FBXL17: variants seen among roughly 807,000 people sequenced by gnomAD.
FBXL17 encodes the protein F-box/LRR-repeat protein 17.
Under a neutral mutation model 66.2 loss-of-function variants are expected in FBXL17, and 22 were observed. That is an observed-to-expected ratio of 0.33 (90% CI 0.24 to 0.47). The LOEUF is 0.47. Among genes scored for constraint, FBXL17 ranks in the 20% least tolerant of loss-of-function variants. FBXL17 has a pLI of 1.00. For missense variants in FBXL17, 878 were observed against 948.2 expected (o/e 0.93, Z 0.97); for synonymous variants, 474 against 400.5 (o/e 1.18, Z -2.19).
At chr5:108,247,365 T>C (rs1277029714) in intron 4 of FBXL17, among the ~76,000 whole-genome samples, 4 of 152,024 alleles carry the variant, frequency 2.6e-5, no homozygotes, top group African/African-American at 9.7e-5. Context: ...GAGATGTGAA[T>C]GTACAAAGTA....
At chr5:108,166,357 C>A (rs1561443365) in intron 6 of FBXL17, among the ~76,000 whole-genome samples, 1 of 152,222 alleles carries the variant, frequency 6.6e-6, no homozygotes, top group Non-Finnish European at 1.5e-5. Context: ...AGGCAGTCCA[C>A]AGTGCCCTCC....
intron 6 of FBXL17, among the ~76,000 whole-genome samples, chr5:108,074,433 T>G (rs1403710196): frequency 1.3e-5 from 2 of 152,038 alleles, no homozygotes; most frequent in Admixed American, 6.6e-5. Flanking sequence ...GTTTTGGGGA[T>G]TTTTTTATTT....
At chr5:108,313,116 G>T (rs1210207584) in intron 4 of FBXL17, among the ~76,000 whole-genome samples, 1 of 152,014 alleles carries the variant, frequency 6.6e-6, no homozygotes, top group African/African-American at 2.4e-5. Context: ...TTACTGCTTA[G>T]CCATCGAAGA....
At chr5:107,887,007 A>C (rs73780447) in intron 7 of FBXL17, among the ~76,000 whole-genome samples, 4,367 of 152,118 alleles carry the variant, frequency 0.029, 220 homozygotes, top group African/African-American at 0.099. Flanking sequence ...TGAGTTAGAT[A>C]CTAGAACAGA....
intron 7 of FBXL17, among the ~76,000 whole-genome samples, chr5:107,899,310 T>C (rs1415448306): frequency 2.6e-5 from 4 of 152,186 alleles, no homozygotes; most frequent in Non-Finnish European, 5.9e-5. Context: ...TCGGTAAGCA[T>C]TCTGATCAAC....
chr5:108,005,215 A>G (rs1753879799), intron 7 of FBXL17, among the ~76,000 whole-genome samples: 1 of 152,060 alleles, frequency 6.6e-6, no homozygotes, highest in Non-Finnish European at 1.5e-5. Context: ...TGCAAAAATA[A>G]AATAGGAATC....
intron 6 of FBXL17, among the ~76,000 whole-genome samples, chr5:108,026,466 C>T: frequency 6.6e-6 from 1 of 152,222 alleles, no homozygotes; most frequent in South Asian, 2.1e-4. Flanking sequence ...AAATATACAC[C>T]TAAGTCAATT....
At chr5:107,915,357 A>G (rs1750090410) in intron 7 of FBXL17, among the ~76,000 whole-genome samples, 1 of 152,218 alleles carries the variant, frequency 6.6e-6, no homozygotes, top group Non-Finnish European at 1.5e-5. Flanking sequence ...AATGCCAACA[A>G]TAAAAAAAAG....
chr5:107,999,659 C>T (rs1467622371), intron 7 of FBXL17, among the ~76,000 whole-genome samples: 3 of 152,048 alleles, frequency 2.0e-5, no homozygotes, highest in African/African-American at 7.2e-5. Context: ...CATACACACA[C>T]AAACACAGAC....
At chr5:108,301,947 T>C (rs932218662) in intron 4 of FBXL17, 1 of 762,874 alleles carries the variant, frequency 1.3e-6, no homozygotes, top group Non-Finnish European at 1.6e-6. Flanking sequence ...ATTGATAAGC[T>C]ATAACAGGAT....
At chr5:108,329,679 T>C (rs75572729) in intron 4 of FBXL17, among the ~76,000 whole-genome samples, 4,082 of 152,238 alleles carry the variant, frequency 0.027, 173 homozygotes, top group African/African-American at 0.093. Context: ...GTACACCACA[T>C]TATATACTAT....
At chr5:107,921,453 T>C (rs988364671) in intron 7 of FBXL17, among the ~76,000 whole-genome samples, 6 of 152,128 alleles carry the variant, frequency 3.9e-5, no homozygotes, top group Admixed American at 3.9e-4. Context: ...AGATTTTCCA[T>C]AGCTGAAGGC....
At position 108,070,206 on chromosome 5, in the gene FBXL17, A is replaced by C. The variant is rs187473027; in HGVS notation, c.1746-49205T>G. 2.8e-3 allele frequency among the ~76,000 whole-genome samples: 432 copies of C among 152,336 alleles called. 2 individuals carry two copies. The highest frequency in any genetic ancestry group is 0.01 in the Middle Eastern group (3 of 294). Reference sequence around the variant, plus strand: ...ATGTCCTGCAAAGCCTAATTCTACAAAAGATCCACTAACATGTAATCTTAA... The same window carrying C: ...ATGTCCTGCAAAGCCTAATTCTACACAAGATCCACTAACATGTAATCTTAA... On this transcript the variant is annotated intron_variant, in intron 6 of 8. Coordinates refer to ENST00000542267, the MANE Select transcript of FBXL17 (RefSeq NM_001163315.3).
intron 4 of FBXL17, among the ~76,000 whole-genome samples, chr5:108,338,056 T>C (rs1323874919): frequency 6.6e-6 from 1 of 151,938 alleles, no homozygotes; most frequent in Non-Finnish European, 1.5e-5. Context: ...TGAGTATATG[T>C]GTATATATTA....
intron 4 of FBXL17, among the ~76,000 whole-genome samples, chr5:108,238,111 C>G (rs940713335): frequency 1.3e-5 from 2 of 152,106 alleles, no homozygotes; most frequent in Non-Finnish European, 2.9e-5. Context: ...TTATTTGAAA[C>G]AGTAATACAA....
intron 6 of FBXL17, among the ~76,000 whole-genome samples, chr5:108,152,071 G>A (rs758913456): frequency 2.6e-5 from 4 of 152,084 alleles, no homozygotes; most frequent in Non-Finnish European, 5.9e-5. Context: ...GAATACATAG[G>A]TGACTTAGAC....
intron 6 of FBXL17, among the ~76,000 whole-genome samples, chr5:108,135,221 A>G (rs1442628302): frequency 1.3e-5 from 2 of 152,182 alleles, no homozygotes; most frequent in African/African-American, 2.4e-5. Flanking sequence ...AGATTTGGAG[A>G]AAAAAAGCTG....
intron 6 of FBXL17, among the ~76,000 whole-genome samples, chr5:108,120,251 T>TTATCCAAA (rs1445480837): frequency 1.3e-5 from 2 of 152,200 alleles, no homozygotes; most frequent in Non-Finnish European, 2.9e-5. Context: ...GCACCACTTA[T>TTATCCAAA]TATCCAAATT....
In FBXL17 at chr5:108,157,290, C is replaced by T. The variant is rs145024990; in HGVS notation, c.1745+28827G>A. 4.1e-3 allele frequency among the ~76,000 whole-genome samples: 628 copies of T among 151,624 alleles called. 2 individuals carry two copies. Among genetic ancestry groups the T allele is most frequent in the African/African-American group, 0.014 (599 of 41,464 alleles). On this transcript the variant is annotated intron_variant, in intron 6 of 8. Transcript: ENST00000542267. ...AAGGTTTCTGTCCAAAAGACTTTTC[C>T]ATTGCAAATAATTCATTTCCTTTGA... is the stretch of plus-strand genomic sequence containing the variant.
Sources: gnomAD v4.1 joint callset for allele counts (sites outside exome capture counted in the v4.1 genomes callset) on GRCh38, gnomAD v4.1.1 for gene constraint, MANE v1.5 for transcripts, NCBI Gene and HGNC (gene_info 2026-07-23, HGNC 2026-07-21) for gene names.